Variants in LSM5 observed in about 807,000 individuals in gnomAD.
LSM5 encodes LSM5 homolog, U6 small nuclear RNA and mRNA degradation associated.
LSM5 carries 8 observed loss-of-function variants against 13.8 expected under a neutral mutation model. That is an observed-to-expected ratio of 0.58 (90% confidence interval 0.34 to 1.04). The LOEUF is 1.04. LSM5 is among the 50% of genes least tolerant of loss of function. The probability of loss-of-function intolerance (pLI) is 0.03; values close to 1 mark genes in which losing one functional copy is unlikely to be tolerated. For missense variants in LSM5, 80 were observed against 108.1 expected, an observed-to-expected ratio of 0.74 and a Z score of 1.15; for synonymous variants, 35 against 37.0, an observed-to-expected ratio of 0.95 and a Z score of 0.20.
upstream of LSM5, among the ~76,000 whole-genome samples, chr7:32,492,692 G>A (rs1182814814): frequency 1.3e-5 from 2 of 152,158 alleles, no homozygotes; most frequent in Non-Finnish European, 2.9e-5. Flanking sequence ...TTTCTCTCCT[G>A]AGGCAAGACA....
upstream of LSM5, among the ~76,000 whole-genome samples, chr7:32,492,291 G>A (rs539083845): frequency 5.9e-5 from 9 of 152,314 alleles, no homozygotes; most frequent in East Asian, 1.9e-4. Flanking sequence ...TTTGGGGGCC[G>A]AGGTGGGCGG....
chr7:32,492,069 T>C (rs765040393), upstream of LSM5, among the ~76,000 whole-genome samples: 6 of 152,196 alleles, frequency 3.9e-5, no homozygotes, highest in Non-Finnish European at 8.8e-5. Flanking sequence ...GTGACGCTTC[T>C]TTCTTTCTCT....
chr7:32,491,147 G>A (rs1786575046), upstream of LSM5, among the ~76,000 whole-genome samples: 1 of 152,218 alleles, frequency 6.6e-6, no homozygotes, highest in Non-Finnish European at 1.5e-5. Context: ...TGTAATCCCA[G>A]CACTTTGGAA....
At position 32,487,006 on chromosome 7, in the gene LSM5, C is replaced by A; in HGVS notation, c.*255G>T. On this transcript the variant is annotated 3_prime_UTR_variant, in exon 5 of 5. Coordinates refer to ENST00000450169, the MANE Select transcript of LSM5 (RefSeq NM_012322.3). ...ATAACTACAAACTTTGTTCCACTGG[C>A]TACTGCAGTAGAATAAACAAAATGA... 1 of 507,854 alleles carries A rather than the reference C, an allele frequency of 2.0e-6. No homozygotes were observed. Among genetic ancestry groups the A allele is most frequent in the African/African-American group, 2.0e-5 (1 of 50,300 alleles). 31.5% of individuals were successfully genotyped at this position (507,854 alleles called of 1,614,324 possible).
At chr7:32,491,981 C>T (rs1352513018), upstream of LSM5, among the ~76,000 whole-genome samples, 1 of 152,306 alleles carries the variant, frequency 6.6e-6, no homozygotes, top group African/African-American at 2.4e-5. Context: ...AATTGATTCT[C>T]ACTATTTCAT....
At chr7:32,487,584 A>G (rs1174886147) in intron 4 of LSM5, 101 bp downstream of exon 4, 1 of 749,394 alleles carries the variant, frequency 1.3e-6, no homozygotes. Flanking sequence ...CCACTGGGCC[A>G]TGATCATTTA....
intron 1 of LSM5, chr7:32,489,639 A>G: frequency 3.0e-6 from 1 of 329,568 alleles, no homozygotes; most frequent in Non-Finnish European, 5.6e-6. Flanking sequence ...AATTATATTC[A>G]CCGGAAACTC....
chr7:32,490,398 G>A (rs779053609), upstream of LSM5: 5 of 1,567,354 alleles, frequency 3.2e-6, no homozygotes, highest in East Asian at 4.5e-5. Context: ...CTTCATTGAT[G>A]GTGGGACGAC....
intron 1 of LSM5, 191 bp downstream of exon 1, chr7:32,490,129 G>GC: frequency 6.5e-7 from 1 of 1,536,636 alleles, no homozygotes; most frequent in Non-Finnish European, 8.8e-7. Flanking sequence ...CAAAGTCCTT[G>GC]CCTGGAGGAG....
At chr7:32,490,627 C>G (rs921911338), upstream of LSM5, 1 of 520,316 alleles carries the variant, frequency 1.9e-6, no homozygotes, top group African/African-American at 1.9e-5. Context: ...GATATTTTGC[C>G]TTGTGAATAA....
At chr7:32,492,555 T>C (rs953335940), upstream of LSM5, among the ~76,000 whole-genome samples, 6 of 151,868 alleles carry the variant, frequency 4.0e-5, no homozygotes, top group African/African-American at 1.5e-4. Context: ...AGAATAAACA[T>C]TAGCAATTTT....
chr7:32,487,507 C>A, intron 4 of LSM5, 178 bp downstream of exon 4: 1 of 667,338 alleles, frequency 1.5e-6, no homozygotes. Context: ...ACCTTTAGAC[C>A]CAATGCCTCT....
At chr7:32,490,202 C>A in intron 1 of LSM5, 118 bp downstream of exon 1, 1 of 1,588,404 alleles carries the variant, frequency 6.3e-7, no homozygotes, top group Non-Finnish European at 8.6e-7. Flanking sequence ...CAGAGTCGAA[C>A]CGCATTTGGT....
Position 32,488,633 on chromosome 7 carries a change from G to GA in LSM5, c.161dup (p.Thr55HisfsTer2). 6.3e-7 allele frequency: 1 copy of GA among 1,597,622 alleles called. No homozygotes were observed. The highest frequency in any genetic ancestry group is 8.6e-7 in the Non-Finnish European group (1 of 1,165,418). On this transcript the variant is annotated frameshift_variant, in exon 3 of 5. Transcript: ENST00000450169. LOFTEE classifies it high-confidence loss of function. Reference sequence around the variant, plus strand: ...TCTTTAACACTACTCACAACTCAGTGACATCTTCCAGTACCATATCTGAAA... The same window carrying GA: ...TCTTTAACACTACTCACAACTCAGTGAACATCTTCCAGTACCATATCTGAAA...
intron 1 of LSM5, chr7:32,490,101 A>T: frequency 6.6e-7 from 1 of 1,519,036 alleles, no homozygotes; most frequent in Non-Finnish European, 8.8e-7. Context: ...TTTCCAGTGA[A>T]GGTCTGGTTT....
At position 32,486,244 on chromosome 7, in the gene LSM5, A is replaced by G. The variant is rs1786441908; in HGVS notation, c.*1017T>C. On this transcript the variant is annotated 3_prime_UTR_variant, in exon 5 of 5. Transcript: ENST00000450169. ...TAAATAATTTATAGTAAATCCATTTAATACTATGTACATATTAATGTTGAA... is the reference window on the plus strand; with the variant it reads ...TAAATAATTTATAGTAAATCCATTTGATACTATGTACATATTAATGTTGAA... 1 of 152,234 alleles carries G rather than the reference A, an allele frequency of 6.6e-6. No homozygotes were observed. The highest frequency in any genetic ancestry group is 2.1e-4 in the South Asian group (1 of 4,836). 9.4% of individuals were successfully genotyped at this position (152,234 alleles called of 1,614,324 possible). A position where few individuals can be genotyped will look rare whatever the true frequency, so the allele number is the denominator to read the frequency against.
upstream of LSM5, chr7:32,490,388 C>T (rs541903017): frequency 5.0e-4 from 799 of 1,591,772 alleles, 13 homozygotes; most frequent in South Asian, 8.2e-3. Context: ...AGTGGCCTGC[C>T]TTCATTGATG....
chr7:32,489,354 G>T lies in LSM5; in HGVS notation c.47-10C>A. 6.9e-7 allele frequency: 1 copy of T among 1,455,994 alleles called. No homozygotes were observed. The allele number at this position is 1,455,994 out of a possible 1,614,324, so 90.2% of individuals were successfully genotyped here. ...CATTTGTCCACAAGCTCTGAGGAGG[G>T]AAAAAATATTATTTTACCATTCATT... On this transcript the variant is annotated splice_polypyrimidine_tract_variant and intron_variant, in intron 1 of 4. Coordinates refer to ENST00000450169, the MANE Select transcript of LSM5 (RefSeq NM_012322.3).
At chr7:32,489,153 T>C in intron 2 of LSM5, 96 bp downstream of exon 2, 1 of 654,236 alleles carries the variant, frequency 1.5e-6, no homozygotes, top group Non-Finnish European at 2.7e-6. Context: ...AATGAACTGA[T>C]TTTTATTATA....
Sources: gnomAD v4.1 joint callset for allele counts (sites outside exome capture counted in the v4.1 genomes callset) on GRCh38, gnomAD v4.1.1 for gene constraint, MANE v1.5 for transcripts, NCBI Gene and HGNC (gene_info 2026-07-23, HGNC 2026-07-21) for gene names.